LRRK1: variants seen among roughly 807,000 people sequenced by gnomAD.
LRRK1 encodes the protein leucine rich repeat kinase 1.
A neutral mutation model predicts 209.1 loss-of-function variants in LRRK1; 113 were observed. The observed-to-expected ratio is 0.54, with a 90% CI of 0.46 to 0.63. The LOEUF is 0.63. Ranked by LOEUF, LRRK1 falls within the 30% of genes least tolerant of loss-of-function variation. The pLI, the probability that LRRK1 is intolerant of heterozygous loss-of-function variation, is 0.00. For synonymous variants in LRRK1, 1,144 were observed against 1,099.7 expected, an observed-to-expected ratio of 1.04 and a Z score of -0.80; for missense variants, 2,284 against 2,632.2, an observed-to-expected ratio of 0.87 and a Z score of 2.89.
At chr15:101,055,947 G>GCAC (rs1397504233) in intron 27 of LRRK1, among the ~76,000 whole-genome samples, 1 of 152,170 alleles carries the variant, frequency 6.6e-6, no homozygotes, top group African/African-American at 2.4e-5. Context: ...AATTCCTGTA[G>GCAC]GAATGACCTG....
At chr15:100,999,028 A>G (rs1218968635) in intron 6 of LRRK1, among the ~76,000 whole-genome samples, 3 of 152,214 alleles carry the variant, frequency 2.0e-5, no homozygotes, top group Non-Finnish European at 4.4e-5. Flanking sequence ...AATCTCTTAT[A>G]CAGCCTGTGA....
chr15:101,015,566 G>A (rs1246882724), intron 12 of LRRK1, among the ~76,000 whole-genome samples, 164 bp downstream of exon 12: 1 of 152,222 alleles, frequency 6.6e-6, no homozygotes, highest in African/African-American at 2.4e-5. Context: ...CATATGAGCT[G>A]CGCCCATTCT....
chr15:100,940,263 A>T (rs893666665), intron 2 of LRRK1, among the ~76,000 whole-genome samples: 1 of 151,642 alleles, frequency 6.6e-6, no homozygotes, highest in Non-Finnish European at 1.5e-5. Flanking sequence ...TGTTTATTTC[A>T]CTAGTCCTTC....
At chr15:100,942,865 C>T (rs1173740018) in intron 2 of LRRK1, among the ~76,000 whole-genome samples, 3 of 152,036 alleles carry the variant, frequency 2.0e-5, no homozygotes, top group Admixed American at 1.3e-4. Flanking sequence ...TCACAGTGGG[C>T]GGGTGGGGTG....
intron 2 of LRRK1, among the ~76,000 whole-genome samples, chr15:100,936,447 C>T (rs2042301208): frequency 6.6e-6 from 1 of 152,226 alleles, no homozygotes; most frequent in Admixed American, 6.5e-5. Flanking sequence ...CAATGTCATC[C>T]ACTGAGATTA....
intron 20 of LRRK1, among the ~76,000 whole-genome samples, chr15:101,035,378 CTT>C (rs1362895386): frequency 1.3e-5 from 2 of 151,926 alleles, no homozygotes; most frequent in South Asian, 2.1e-4. Context: ...GTTATATTCT[CTT>C]GTTGGATTGA....
At chr15:100,985,397 G>A (rs757469889) in intron 4 of LRRK1, among the ~76,000 whole-genome samples, 5 of 151,724 alleles carry the variant, frequency 3.3e-5, no homozygotes, top group Admixed American at 6.6e-5. Flanking sequence ...TGTGTAGAAC[G>A]TGAGAGACAG....
chr15:100,924,629 G>C lies in LRRK1; in HGVS notation c.-4G>C, dbSNP rs541287901. On this transcript the variant is annotated 5_prime_UTR_variant, in exon 2 of 34. Transcript: ENST00000388948. ...CCTTTGAAGATCGGCTGCTGCAAGG[G>C]TTGATGGCTGGCATGTCGCAAAGAC... The C allele has an allele frequency of 6.2e-7, 1 of 1,614,076 alleles. No homozygotes were observed. Among genetic ancestry groups the C allele is most frequent in the South Asian group, 1.1e-5 (1 of 91,054 alleles).
At chr15:100,950,693 A>G (rs2042626761) in intron 2 of LRRK1, among the ~76,000 whole-genome samples, 2 of 152,270 alleles carry the variant, frequency 1.3e-5, no homozygotes, top group Admixed American at 1.3e-4. Context: ...ATAATCAAGA[A>G]AGTGAAAAGA....
chr15:101,043,067 A>G lies in LRRK1; in HGVS notation c.2964-2914A>G, dbSNP rs115522570. 9.5e-3 allele frequency among the ~76,000 whole-genome samples: 1,440 copies of G among 152,336 alleles called. 24 individuals are homozygous for G. Among genetic ancestry groups the G allele is most frequent in the African/African-American group, 0.033 (1,355 of 41,576 alleles). On this transcript the variant is annotated intron_variant, in intron 20 of 33. Transcript: ENST00000388948. ...CCTGGGTTTGATGCTGATATTGGCA[A>G]TGAAGCTGTATCCAGGATCCAAATC...
intron 6 of LRRK1, among the ~76,000 whole-genome samples, chr15:101,001,291 G>A (rs1363004512): frequency 6.6e-6 from 1 of 152,028 alleles, no homozygotes; most frequent in Non-Finnish European, 1.5e-5. Flanking sequence ...CAGCTTGTGG[G>A]CGTCGGTGCA....
intron 20 of LRRK1, among the ~76,000 whole-genome samples, chr15:101,030,196 C>T (rs2034220860): frequency 6.6e-6 from 1 of 152,128 alleles, no homozygotes; most frequent in Admixed American, 6.5e-5. Flanking sequence ...CCAGGTAGCC[C>T]TCTAGGTGCC....
chr15:100,970,700 A>G (rs1481220441), intron 2 of LRRK1, among the ~76,000 whole-genome samples: 4 of 152,164 alleles, frequency 2.6e-5, no homozygotes, highest in Non-Finnish European at 5.9e-5. Flanking sequence ...TCAGACTGTC[A>G]ATTTCTATCC....
chr15:100,959,782 C>T (rs2042838593), intron 2 of LRRK1, among the ~76,000 whole-genome samples: 1 of 152,136 alleles, frequency 6.6e-6, no homozygotes, highest in Non-Finnish European at 1.5e-5. Flanking sequence ...AAATACTTGC[C>T]AAACACCATG....
chr15:101,075,023 C>G lies in LRRK1; in HGVS notation c.*6175C>G, dbSNP rs1210608459. 8.8e-6 allele frequency: 1 copy of G among 113,918 alleles called. No individual in the cohort carries two copies. The highest frequency in any genetic ancestry group is 2.9e-4 in the South Asian group (1 of 3,404). 7.1% of individuals were successfully genotyped at this position (113,918 alleles called of 1,614,324 possible). A position where few individuals can be genotyped will look rare whatever the true frequency, so the allele number is the denominator to read the frequency against. On this transcript the variant is annotated 3_prime_UTR_variant, in exon 34 of 34. Transcript: ENST00000388948. The stretch of plus-strand genomic sequence containing the variant: ...TTAGCGGCTGAAGACTGACACTGCC[C>G]GATCACCTCGGAAGCCCCCTAGACC...
At chr15:101,031,738 ATT>A (rs60272012) in intron 20 of LRRK1, among the ~76,000 whole-genome samples, 31 of 142,712 alleles carry the variant, frequency 2.2e-4, no homozygotes, top group African/African-American at 4.1e-4. Flanking sequence ...CCTCCCCACT[ATT>A]TTTTTTTTTT....
chr15:100,971,974 T>C (rs1309186207), intron 2 of LRRK1, among the ~76,000 whole-genome samples: 1 of 151,830 alleles, frequency 6.6e-6, no homozygotes, highest in Admixed American at 6.6e-5. Flanking sequence ...AGAATTTTTT[T>C]TTTTTTTAGA....
rs146530397 is a variant in LRRK1 at position 100,959,402 on chromosome 15, G to A, written c.98-14402G>A. Among the ~76,000 whole-genome samples, 571 of 152,308 alleles carry A rather than the reference G, an allele frequency of 3.7e-3. 7 individuals are homozygous for A. Among genetic ancestry groups the A allele is most frequent in the African/African-American group, 0.013 (534 of 41,552 alleles). On this transcript the variant is annotated intron_variant, in intron 2 of 33. Transcript: ENST00000388948. ...CAGTCCAGGACCCAGGTCAGACCAC[G>A]TGCAGGCGGAGAAAGGAGAGGCAGC...
At chr15:101,015,423 G>C (rs371578751) in intron 12 of LRRK1, 21 bp downstream of exon 12, 1 of 1,593,034 alleles carries the variant, frequency 6.3e-7, no homozygotes, top group Non-Finnish European at 8.6e-7. Flanking sequence ...GTTGGGAGAC[G>C]GTGTTCCCAG....
Sources: gnomAD v4.1 joint callset for allele counts (sites outside exome capture counted in the v4.1 genomes callset) on GRCh38, gnomAD v4.1.1 for gene constraint, MANE v1.5 for transcripts, NCBI Gene and HGNC (gene_info 2026-07-23, HGNC 2026-07-21) for gene names.